The following PTPRT variants were observed in gnomAD, a reference collection of about 807,000 sequenced individuals.
PTPRT encodes protein tyrosine phosphatase receptor type T.
A neutral mutation model predicts 176.8 loss-of-function variants in PTPRT; 56 were observed. The observed-to-expected ratio is 0.32, with a 90% CI of 0.26 to 0.40. PTPRT has a LOEUF of 0.40. PTPRT is among the 10% of genes least tolerant of loss of function. The pLI is 1.00. For synonymous variants in PTPRT, 783 were observed against 739.0 expected (o/e 1.06, Z -0.96); for missense variants, 1,540 against 1,908.2 (o/e 0.81, Z 3.60).
intron 13 of PTPRT, among the ~76,000 whole-genome samples, chr20:42,267,824 C>T (rs1266835163): frequency 6.6e-6 from 1 of 152,200 alleles, no homozygotes; most frequent in Non-Finnish European, 1.5e-5. Context: ...ACCTGAAGAA[C>T]TAATTGGACC....
chr20:42,112,212 G>A (rs67794341), intron 22 of PTPRT, among the ~76,000 whole-genome samples: 17,793 of 152,208 alleles, frequency 0.12, 1,690 homozygotes, highest in African/African-American at 0.26. Context: ...TGGATCGGGG[G>A]TTGCAGAGAG....
chr20:42,158,889 G>C (rs748035293), intron 17 of PTPRT, among the ~76,000 whole-genome samples: 1 of 152,166 alleles, frequency 6.6e-6, no homozygotes. Flanking sequence ...CATTATAAAA[G>C]CTGTTCATTT....
chr20:42,627,206 C>T (rs577912610), intron 7 of PTPRT, among the ~76,000 whole-genome samples: 1 of 151,984 alleles, frequency 6.6e-6, no homozygotes, highest in African/African-American at 2.4e-5. Context: ...ACTACCTAAT[C>T]ATATGTTTAT....
chr20:42,989,114 C>A (rs1167704064), intron 1 of PTPRT, among the ~76,000 whole-genome samples: 1 of 152,190 alleles, frequency 6.6e-6, no homozygotes, highest in Admixed American at 6.5e-5. Context: ...TTATTATGCC[C>A]ATTTTATGGA....
In PTPRT at chr20:42,184,516, CT is replaced by C. The variant is rs1568651927; in HGVS notation, c.2491+14723del. On this transcript the variant is annotated intron_variant, in intron 16 of 30. Coordinates refer to ENST00000373187, the MANE Select transcript of PTPRT (RefSeq NM_007050.6). ...TCCTCCCCCCTTCCTCCTCCTCCTC[CT>C]CCTTCTTCTTCTTCTTCCTCTTCCT... Among the ~76,000 whole-genome samples the C allele has an allele frequency of 6.3e-3, 883 of 139,408 alleles. 28 individuals are homozygous for C. The highest frequency in any genetic ancestry group is 0.023 in the African/African-American group (837 of 36,884). 91.5% of individuals were successfully genotyped at this position (139,408 alleles called of 152,430 possible).
intron 15 of PTPRT, among the ~76,000 whole-genome samples, chr20:42,215,957 G>A (rs1476459843): frequency 6.6e-6 from 1 of 152,070 alleles, no homozygotes; most frequent in Non-Finnish European, 1.5e-5. Context: ...GCTCCTCCTC[G>A]GTCTGTCTGC....
At chr20:42,140,126 T>C (rs1353639511) in intron 18 of PTPRT, among the ~76,000 whole-genome samples, 1 of 152,262 alleles carries the variant, frequency 6.6e-6, no homozygotes, top group African/African-American at 2.4e-5. Flanking sequence ...TTACTCTTTC[T>C]TCCTCCAAGT....
At chr20:43,144,718 G>A (rs1006441563) in intron 1 of PTPRT, among the ~76,000 whole-genome samples, 15 of 152,118 alleles carry the variant, frequency 9.9e-5, no homozygotes, top group African/African-American at 3.4e-4. Flanking sequence ...TTTGGGGGTG[G>A]TGAAAACGTT....
intron 7 of PTPRT, among the ~76,000 whole-genome samples, chr20:42,545,700 C>T (rs767458379): frequency 1.6e-4 from 25 of 152,142 alleles, no homozygotes; most frequent in Non-Finnish European, 3.1e-4. Flanking sequence ...TGGTTGAAGG[C>T]ACTTGGGCTG....
intron 6 of PTPRT, among the ~76,000 whole-genome samples, chr20:42,736,241 T>C (rs1421154476): frequency 1.2e-4 from 18 of 152,094 alleles, no homozygotes; most frequent in Non-Finnish European, 2.5e-4. Flanking sequence ...TATAAAATGG[T>C]TGATGAAGTA....
At chr20:42,394,192 G>A (rs2145681289) in intron 9 of PTPRT, among the ~76,000 whole-genome samples, 1 of 152,106 alleles carries the variant, frequency 6.6e-6, no homozygotes, top group East Asian at 1.9e-4. Context: ...ACACTGATTT[G>A]CGTGGTATTT....
At chr20:42,658,303 CCAG>C (rs768377055) in intron 7 of PTPRT, among the ~76,000 whole-genome samples, 1 of 152,264 alleles carries the variant, frequency 6.6e-6, no homozygotes, top group South Asian at 2.1e-4. Flanking sequence ...GAACTGACAG[CCAG>C]CAGCCCTGTA....
intron 7 of PTPRT, among the ~76,000 whole-genome samples, chr20:42,628,917 C>T (rs2074349319): frequency 2.0e-5 from 3 of 152,138 alleles, no homozygotes; most frequent in Admixed American, 2.0e-4. Context: ...AAAAGTTTGC[C>T]AACCCCTGTT....
intron 1 of PTPRT, among the ~76,000 whole-genome samples, chr20:42,985,161 A>G (rs1053144617): frequency 7.2e-5 from 11 of 152,090 alleles, no homozygotes; most frequent in African/African-American, 2.7e-4. Context: ...TTACTTCAAC[A>G]TTTTTACGAC....
intron 15 of PTPRT, among the ~76,000 whole-genome samples, chr20:42,223,092 G>A (rs1465502726): frequency 6.6e-6 from 1 of 152,160 alleles, no homozygotes; most frequent in Admixed American, 6.5e-5. Context: ...TAGTGTGAGA[G>A]TAGAGAAAAA....
intron 12 of PTPRT, among the ~76,000 whole-genome samples, chr20:42,296,861 G>A (rs998367451): frequency 2.6e-5 from 4 of 152,056 alleles, no homozygotes; most frequent in Admixed American, 2.0e-4. Flanking sequence ...ATGCTTGAGG[G>A]GATGGATACC....
rs1414372040 is a variant in PTPRT at position 42,077,357 on chromosome 20, CA to C, written c.*3521del. Reference sequence around the variant, plus strand: ...CCTGAAGCTATTTAGGCCATAAACACAGGTGGAGAAATTTCCTGGGCTTCTC... The same window carrying C: ...CCTGAAGCTATTTAGGCCATAAACACGGTGGAGAAATTTCCTGGGCTTCTC... On this transcript the variant is annotated 3_prime_UTR_variant, in exon 31 of 31. Coordinates refer to ENST00000373187, the MANE Select transcript of PTPRT (RefSeq NM_007050.6). The C allele has an allele frequency of 4.8e-6, 1 of 209,412 alleles. No homozygotes were observed. The highest frequency in any genetic ancestry group is 9.7e-6 in the Non-Finnish European group (1 of 103,060). 13.0% of individuals were successfully genotyped at this position (209,412 alleles called of 1,614,324 possible). A position where few individuals can be genotyped will look rare whatever the true frequency, so the allele number is the denominator to read the frequency against.
chr20:43,002,279 T>G (rs1984617905), intron 1 of PTPRT, among the ~76,000 whole-genome samples: 1 of 152,200 alleles, frequency 6.6e-6, no homozygotes. Context: ...TAGGTAGTAT[T>G]TTTTATAGCA....
chr20:42,661,067 T>G (rs1331056484), intron 7 of PTPRT, among the ~76,000 whole-genome samples: 1 of 152,106 alleles, frequency 6.6e-6, no homozygotes, highest in Non-Finnish European at 1.5e-5. Flanking sequence ...GCCAGCCTGG[T>G]CTAGAACTCC....
Sources: allele counts gnomAD v4.1 joint callset (sites outside exome capture counted in the v4.1 genomes callset), GRCh38; gene constraint gnomAD v4.1.1; transcripts MANE v1.5; gene names NCBI Gene and HGNC (gene_info 2026-07-23, HGNC 2026-07-21).